Variants in CSMD2 observed in about 807,000 individuals in gnomAD.
CSMD2 encodes the protein CUB and Sushi multiple domains 2.
A neutral mutation model predicts 398.5 loss-of-function variants in CSMD2; 130 were observed. The ratio of observed to expected loss-of-function variants is 0.33; its 90% CI spans 0.28 to 0.38. The LOEUF is 0.38. Ranked by LOEUF, CSMD2 falls within the 10% of genes least tolerant of loss-of-function variation. The pLI is 1.00. For synonymous variants in CSMD2, 1,828 were observed against 1,908.5 expected (o/e 0.96, Z 1.10); for missense variants, 3,829 against 4,764.9 (o/e 0.80, Z 5.78).
rs566592890 is a variant in CSMD2 at position 33,636,775 on chromosome 1, T to TC, written c.4775-222dup. Among the ~76,000 whole-genome samples, 1 of 152,020 alleles carries TC rather than the reference T, an allele frequency of 6.6e-6. No individual in the cohort carries two copies. The highest frequency in any genetic ancestry group is 2.4e-5 in the African/African-American group (1 of 41,404). On this transcript the variant is annotated intron_variant, in intron 29 of 70. Transcript: ENST00000373381. The surrounding 1 kb of genome is among the most constrained non-coding windows in gnomAD (Gnocchi z 4.8). ...CATTGAAGAGGGCAATTTCCCCTCCTCCCCCCATGTTCTTGCCTTGACCCA... is the reference window on the plus strand; with the variant it reads ...CATTGAAGAGGGCAATTTCCCCTCCTCCCCCCCATGTTCTTGCCTTGACCCA...
intron 5 of CSMD2, among the ~76,000 whole-genome samples, chr1:33,874,778 G>C (rs1640720702): frequency 6.6e-6 from 1 of 152,194 alleles, no homozygotes; most frequent in Non-Finnish European, 1.5e-5. Flanking sequence ...CCCACACTCT[G>C]TCATTATAAA....
At chr1:33,867,383 A>G (rs927894647) in intron 5 of CSMD2, among the ~76,000 whole-genome samples, 3 of 152,240 alleles carry the variant, frequency 2.0e-5, no homozygotes, top group African/African-American at 4.8e-5. Flanking sequence ...TCAAGCCAGC[A>G]GATGAGAACT....
chr1:34,159,338 C>CCCT (rs56893007), intron 1 of CSMD2, among the ~76,000 whole-genome samples: 1,493 of 142,664 alleles, frequency 0.01, 30 homozygotes, highest in African/African-American at 0.035. Flanking sequence ...GCCCCCCCCC[C>CCCT]ACCCAGGAGC....
At chr1:33,818,299 T>C (rs1657706824) in intron 9 of CSMD2, among the ~76,000 whole-genome samples, 2 of 152,218 alleles carry the variant, frequency 1.3e-5, no homozygotes, top group South Asian at 4.1e-4. Context: ...CGTCATCCAT[T>C]CAACACCTGT....
intron 48 of CSMD2, 147 bp downstream of exon 48, chr1:33,580,606 G>C: frequency 1.3e-6 from 1 of 751,382 alleles, no homozygotes; most frequent in Non-Finnish European, 2.2e-6. Context: ...GAATGGAATA[G>C]AAAAATAGGA....
At chr1:33,766,004 A>G (rs371891387) in intron 13 of CSMD2, among the ~76,000 whole-genome samples, 2 of 152,198 alleles carry the variant, frequency 1.3e-5, no homozygotes, top group East Asian at 3.9e-4. Flanking sequence ...TCCTCCAGAC[A>G]CCTCTTTTAT....
At chr1:33,995,127 CAATGGGTTCTTTGCA>C (rs1001463513) in intron 3 of CSMD2, among the ~76,000 whole-genome samples, 2 of 151,800 alleles carry the variant, frequency 1.3e-5, no homozygotes, top group African/African-American at 4.8e-5. Context: ...GTCCTGAACC[CAATGGGTTCTTTGCA>C]AATGTTTCCA....
chr1:33,610,570 G>A (rs753006757), intron 41 of CSMD2, among the ~76,000 whole-genome samples: 4 of 152,204 alleles, frequency 2.6e-5, no homozygotes, highest in Non-Finnish European at 5.9e-5. Flanking sequence ...GGCCTCACAG[G>A]AAAACCTGCT....
intron 25 of CSMD2, among the ~76,000 whole-genome samples, chr1:33,674,708 G>A (rs550585366): frequency 3.3e-5 from 5 of 152,300 alleles, no homozygotes; most frequent in African/African-American, 1.2e-4. Context: ...ATAGTTGGAA[G>A]TAAAGAACTC....
At chr1:33,795,810 A>G (rs1654886291) in intron 10 of CSMD2, among the ~76,000 whole-genome samples, 1 of 152,262 alleles carries the variant, frequency 6.6e-6, no homozygotes, top group Non-Finnish European at 1.5e-5. Context: ...TCGGTGGGCC[A>G]GGCCCATGCC....
intron 23 of CSMD2, among the ~76,000 whole-genome samples, chr1:33,699,360 C>G (rs553251923): frequency 2.6e-5 from 4 of 152,240 alleles, no homozygotes; most frequent in South Asian, 4.2e-4. Flanking sequence ...TTGAAATGGG[C>G]TGGAAAAGGA....
intron 48 of CSMD2, among the ~76,000 whole-genome samples, chr1:33,578,141 A>G (rs1177831697): frequency 6.6e-6 from 1 of 152,154 alleles, no homozygotes; most frequent in Non-Finnish European, 1.5e-5. Context: ...ACCTGTGGCA[A>G]CCTGGGACAC....
At chr1:34,027,766 CCT>C (rs1294102559) in intron 3 of CSMD2, among the ~76,000 whole-genome samples, 1 of 152,022 alleles carries the variant, frequency 6.6e-6, no homozygotes, top group African/African-American at 2.4e-5. Flanking sequence ...CGGATCCACA[CCT>C]GTGTGCATAT....
At chr1:33,911,994 A>G (rs1255904357) in intron 5 of CSMD2, among the ~76,000 whole-genome samples, 4 of 152,154 alleles carry the variant, frequency 2.6e-5, no homozygotes, top group African/African-American at 9.7e-5. Context: ...CATCTCCTAT[A>G]TTAAAATGGT....
At chr1:34,049,822 C>T (rs1652973152) in intron 2 of CSMD2, among the ~76,000 whole-genome samples, 1 of 152,122 alleles carries the variant, frequency 6.6e-6, no homozygotes, top group Non-Finnish European at 1.5e-5. Context: ...AGTGTGAACT[C>T]CCAAAGTTTA....
At chr1:33,680,005 C>G (rs568235599) in intron 25 of CSMD2, among the ~76,000 whole-genome samples, 1 of 151,796 alleles carries the variant, frequency 6.6e-6, no homozygotes. Context: ...ACTGCAAGCT[C>G]TGCCTCCCGG....
intron 2 of CSMD2, among the ~76,000 whole-genome samples, chr1:34,046,146 T>G (rs942091506): frequency 1.1e-4 from 16 of 152,194 alleles, no homozygotes; most frequent in African/African-American, 3.4e-4. Flanking sequence ...GCTTTGGTAG[T>G]TGGTGTGATG....
intron 15 of CSMD2, among the ~76,000 whole-genome samples, chr1:33,738,613 T>C (rs1200600214): frequency 6.6e-6 from 1 of 152,198 alleles, no homozygotes; most frequent in African/African-American, 2.4e-5. Flanking sequence ...GCAAGCTGTG[T>C]TTCTTCTGGC....
At chr1:33,661,881 C>T (rs762791028) in intron 26 of CSMD2, among the ~76,000 whole-genome samples, 8 of 152,276 alleles carry the variant, frequency 5.3e-5, no homozygotes, top group Admixed American at 1.3e-4. Flanking sequence ...GGCAAAGCCA[C>T]GGCACAGGTG....
Sources: gnomAD v4.1 joint callset for allele counts (sites outside exome capture counted in the v4.1 genomes callset) on GRCh38, gnomAD v4.1.1 for gene constraint, Gnocchi (gnomAD v3.1) non-coding constraint, MANE v1.5 for transcripts, NCBI Gene and HGNC (gene_info 2026-07-23, HGNC 2026-07-21) for gene names.